Variants in PLK3 observed in about 807,000 individuals in gnomAD.
PLK3 encodes polo like kinase 3.
A neutral mutation model predicts 71.6 loss-of-function variants in PLK3; 41 were observed. The observed-to-expected ratio is 0.57, with a 90% CI of 0.45 to 0.74. The LOEUF is 0.74. Among genes scored for constraint, PLK3 ranks in the 30% least tolerant of loss-of-function variants. PLK3 has a pLI of 0.00. For synonymous variants in PLK3, 366 were observed against 355.4 expected (o/e 1.03, Z -0.33); for missense variants, 791 against 875.6 (o/e 0.90, Z 1.22).
Position 44,803,823 on chromosome 1 carries a change from G to T in PLK3, c.1165-108G>T, listed in dbSNP as rs929362572. 12 of 1,130,356 alleles carry T rather than the reference G, an allele frequency of 1.1e-5. No homozygotes were observed. In the African/African-American group the frequency reaches 1.2e-4, roughly 12 times the overall value. 70.0% of individuals were successfully genotyped at this position (1,130,356 alleles called of 1,614,324 possible). A position where few individuals can be genotyped will look rare whatever the true frequency, so the allele number is the denominator to read the frequency against. On this transcript the variant is annotated intron_variant, in intron 9 of 14. Transcript: ENST00000372201. The surrounding 1 kb of genome is among the most constrained non-coding windows in gnomAD (Gnocchi z 4.3). ...TAATTGGCTGTGTGTCACCAGCCTG[G>T]CGGGGCTGACCTGGGGTGCCCTGGG...
chr1:44,802,364 T>C (rs1181902961), intron 5 of PLK3, among the ~76,000 whole-genome samples: 1 of 152,018 alleles, frequency 6.6e-6, no homozygotes, highest in African/African-American at 2.4e-5. Flanking sequence ...ACAGATAGCG[T>C]ATGTGGCAGA....
Sources: allele counts gnomAD v4.1 joint callset (sites outside exome capture counted in the v4.1 genomes callset), GRCh38; gene constraint gnomAD v4.1.1; non-coding constraint Gnocchi (gnomAD v3.1); transcripts MANE v1.5; gene names NCBI Gene and HGNC (gene_info 2026-07-23, HGNC 2026-07-21).